The following MCTP1 variants were observed in gnomAD, a reference collection of about 807,000 sequenced individuals.
MCTP1 encodes the protein multiple C2 and transmembrane domain containing 1.
MCTP1 carries 69 observed loss-of-function variants against 120.6 expected under a neutral mutation model. That is an observed-to-expected ratio of 0.57 (90% confidence interval 0.47 to 0.70). MCTP1 has a LOEUF of 0.70. MCTP1 is among the 30% of genes least tolerant of loss of function. The probability of loss-of-function intolerance (pLI) is 0.00; values close to 1 mark genes in which losing one functional copy is unlikely to be tolerated. For missense variants in MCTP1, 1,203 were observed against 1,248.8 expected (o/e 0.96, Z 0.55); for synonymous variants, 529 against 493.1 (o/e 1.07, Z -0.96).
intron 17 of MCTP1, among the ~76,000 whole-genome samples, chr5:94,837,083 A>G (rs1789964007): frequency 6.6e-6 from 1 of 152,156 alleles, no homozygotes; most frequent in African/African-American, 2.4e-5. Context: ...CACAGTGGTT[A>G]AGAACACAGG....
intron 13 of MCTP1, among the ~76,000 whole-genome samples, chr5:94,872,143 A>G (rs1441952305): frequency 6.6e-6 from 1 of 152,166 alleles, no homozygotes; most frequent in Non-Finnish European, 1.5e-5. Context: ...TTTACCAAGA[A>G]AACATGAATT....
chr5:94,727,497 C>CA (rs1251116620), intron 19 of MCTP1, among the ~76,000 whole-genome samples: 1 of 152,116 alleles, frequency 6.6e-6, no homozygotes, highest in Non-Finnish European at 1.5e-5. Context: ...TTACAATTGC[C>CA]AAGTTTCTGG....
intron 1 of MCTP1, among the ~76,000 whole-genome samples, chr5:95,132,083 G>A (rs1759085208): frequency 6.6e-6 from 1 of 151,992 alleles, no homozygotes; most frequent in Non-Finnish European, 1.5e-5. Flanking sequence ...GTTCCAAATG[G>A]CTTTTAGCTC....
chr5:94,799,514 A>G (rs1471096002), intron 17 of MCTP1, among the ~76,000 whole-genome samples: 1 of 152,194 alleles, frequency 6.6e-6, no homozygotes. Flanking sequence ...TAAAAAATGA[A>G]TCACTATTTA....
chr5:94,803,412 C>T lies in MCTP1; in HGVS notation c.2437-4280G>A, dbSNP rs114980334. 5.1e-3 allele frequency among the ~76,000 whole-genome samples: 778 copies of T among 152,228 alleles called. 5 individuals carry two copies. The highest frequency in any genetic ancestry group is 0.017 in the African/African-American group (711 of 41,536). On this transcript the variant is annotated intron_variant, in intron 17 of 22. Coordinates refer to ENST00000515393, the MANE Select transcript of MCTP1 (RefSeq NM_024717.7). ...GCAGTGTGGTACAGTAGAAAGAGAA[C>T]GGTGTTTGAATCAGGCCTAGAGGCA...
intron 19 of MCTP1, among the ~76,000 whole-genome samples, chr5:94,732,146 G>A (rs532218565): frequency 9.9e-5 from 15 of 152,242 alleles, no homozygotes; most frequent in African/African-American, 3.4e-4. Context: ...ATTCCACAAA[G>A]GATTCATTGA....
chr5:94,933,923 C>A (rs973243935), intron 5 of MCTP1, among the ~76,000 whole-genome samples: 2 of 151,700 alleles, frequency 1.3e-5, no homozygotes, highest in Non-Finnish European at 3.0e-5. Flanking sequence ...GAAACTGATA[C>A]AATAAAAAGT....
At chr5:95,110,838 G>C (rs950671490) in intron 1 of MCTP1, among the ~76,000 whole-genome samples, 16 of 152,162 alleles carry the variant, frequency 1.1e-4, no homozygotes, top group African/African-American at 3.9e-4. Context: ...TATTGGGGAT[G>C]ATAAAGCTTA....
chr5:94,740,425 G>A (rs1419398739), intron 19 of MCTP1, among the ~76,000 whole-genome samples: 1 of 152,168 alleles, frequency 6.6e-6, no homozygotes, highest in African/African-American at 2.4e-5. Context: ...AGTGCATGCA[G>A]TATTAAAGTC....
rs2152750349 is a variant in MCTP1 at position 95,284,694 on chromosome 5, C to G, written c.-119G>C. On this transcript the variant is annotated 5_prime_UTR_variant, in exon 1 of 23. Coordinates refer to ENST00000515393, the MANE Select transcript of MCTP1 (RefSeq NM_024717.7). This position sits in a 1 kb window ranked among gnomAD's most constrained non-coding sequence, Gnocchi z 5.2. ...GCGCTGGCGGTGGCGGCGGCGGCGG[C>G]GGCGGGCGCAGCAGCAGAAACCGGG... The G allele has an allele frequency of 1.2e-6, 1 of 868,384 alleles. No homozygotes were observed. The highest frequency in any genetic ancestry group is 1.6e-6 in the Non-Finnish European group (1 of 617,130). 53.8% of individuals were successfully genotyped at this position (868,384 alleles called of 1,614,324 possible). A position where few individuals can be genotyped will look rare whatever the true frequency, so the allele number is the denominator to read the frequency against.
At chr5:94,721,887 G>GAA (rs772197218) in intron 19 of MCTP1, among the ~76,000 whole-genome samples, 4 of 126,062 alleles carry the variant, frequency 3.2e-5, no homozygotes, top group African/African-American at 8.7e-5. Context: ...TTTTGAAGGT[G>GAA]AAAAAAAAAA....
rs868862972 is a variant in MCTP1, at chr5:95,284,549, G to T, written c.27C>A (p.Gly9=). 106 of 1,451,510 alleles carry T rather than the reference G, an allele frequency of 7.3e-5. 1 individual carries two copies. The African/African-American group carries it at 1.3e-3, about 18-fold the overall frequency. The allele number at this position is 1,451,510 out of a possible 1,614,324, so 89.9% of individuals were successfully genotyped here. A position where few individuals can be genotyped will look rare whatever the true frequency, so the allele number is the denominator to read the frequency against. The stretch of plus-strand genomic sequence containing the variant: ...AGGACGCCGCCGGCGGCTCTGGCTC[G>T]CCCGCCGCGGCAGCCCGGGGCTCCA... The part of the protein sequence containing the change: MEPRAAAA[G]EPEPPAASSS... Residue 9 remains glycine (G), a synonymous_variant, in exon 1 of 23, where the codon GGC becomes GGA. Coordinates refer to ENST00000515393, the MANE Select transcript of MCTP1 (RefSeq NM_024717.7). This position sits in a 1 kb window ranked among gnomAD's most constrained non-coding sequence, Gnocchi z 5.2.
intron 2 of MCTP1, among the ~76,000 whole-genome samples, chr5:95,002,687 C>G (rs548943101): frequency 6.6e-6 from 1 of 152,324 alleles, no homozygotes; most frequent in East Asian, 1.9e-4. Flanking sequence ...TAAGAATTAA[C>G]TAACTTGCTT....
intron 2 of MCTP1, among the ~76,000 whole-genome samples, chr5:95,000,234 C>T (rs1418876395): frequency 6.6e-6 from 1 of 152,158 alleles, no homozygotes; most frequent in Admixed American, 6.5e-5. Flanking sequence ...CTAGCACATA[C>T]AGTTATGTAC....
intron 19 of MCTP1, among the ~76,000 whole-genome samples, chr5:94,732,948 G>T (rs570597518): frequency 6.6e-6 from 1 of 152,152 alleles, no homozygotes; most frequent in African/African-American, 2.4e-5. Context: ...TTCAGGTATG[G>T]TTTATAAAAT....
chr5:94,997,845 C>A (rs1832917896), intron 2 of MCTP1, among the ~76,000 whole-genome samples: 1 of 152,092 alleles, frequency 6.6e-6, no homozygotes, highest in African/African-American at 2.4e-5. Flanking sequence ...AAAACTGTGT[C>A]TCATGCTTCT....
In MCTP1 at chr5:94,778,578, C is replaced by T. The variant is rs1009825492; in HGVS notation, c.2610+532G>A. Among the ~76,000 whole-genome samples the T allele has an allele frequency of 5.3e-5, 8 of 152,272 alleles. No homozygotes were observed. In the East Asian group the frequency reaches 1.5e-3, roughly 29 times the overall value. ...TATAAGCCTCTCTGAATGGGCTTTC[C>T]TAATGGAGAAACCACGTGGCCATTC... On this transcript the variant is annotated intron_variant, in intron 19 of 22. Transcript: ENST00000515393.
intron 7 of MCTP1, among the ~76,000 whole-genome samples, chr5:94,920,145 G>A (rs1423899706): frequency 2.0e-5 from 3 of 151,970 alleles, no homozygotes; most frequent in East Asian, 3.9e-4. Context: ...ACGTTTGTTC[G>A]AAAATACATA....
At chr5:95,049,468 A>G (rs1252621066) in intron 1 of MCTP1, among the ~76,000 whole-genome samples, 8 of 152,192 alleles carry the variant, frequency 5.3e-5, no homozygotes, top group African/African-American at 1.9e-4. Flanking sequence ...GTGAAGTACC[A>G]CCACATGGGA....
Sources: allele counts gnomAD v4.1 joint callset (sites outside exome capture counted in the v4.1 genomes callset), GRCh38; gene constraint gnomAD v4.1.1; non-coding constraint Gnocchi (gnomAD v3.1); transcripts MANE v1.5; gene names NCBI Gene and HGNC (gene_info 2026-07-23, HGNC 2026-07-21).